Variants in PDE1A observed in about 807,000 individuals in gnomAD.
PDE1A encodes the protein phosphodiesterase 1A.
PDE1A carries 35 observed loss-of-function variants against 61.7 expected under a neutral mutation model. That is an observed-to-expected ratio of 0.57 (90% CI 0.43 to 0.75). The LOEUF (loss-of-function observed/expected upper bound fraction) is 0.75, where lower values mean the gene tolerates loss of function less well. PDE1A is among the 30% of genes least tolerant of loss of function. The probability of loss-of-function intolerance (pLI) is 0.00; values close to 1 mark genes in which losing one functional copy is unlikely to be tolerated. For missense variants in PDE1A, 597 were observed against 630.6 expected (o/e 0.95, Z 0.57); for synonymous variants, 232 against 213.2 (o/e 1.09, Z -0.77).
chr2:182,415,847 C>A (rs1702882704), intron 1 of PDE1A, among the ~76,000 whole-genome samples: 1 of 152,098 alleles, frequency 6.6e-6, no homozygotes, highest in African/African-American at 2.4e-5. Context: ...CTCTAAGTAG[C>A]TAAAAACAAT....
chr2:182,278,841 A>C (rs189872988), intron 1 of PDE1A, among the ~76,000 whole-genome samples: 1 of 152,016 alleles, frequency 6.6e-6, no homozygotes, highest in African/African-American at 2.4e-5. Context: ...GAATATGTGA[A>C]GTTCTTTTTA....
the PDE1A span, among the ~76,000 whole-genome samples, chr2:182,545,800 T>C: frequency 6.6e-6 from 1 of 152,198 alleles, no homozygotes; most frequent in African/African-American, 2.4e-5. Context: ...TATACTTCTG[T>C]TTCTACACCG....
At chr2:182,212,829 G>A (rs1178740473) in intron 7 of PDE1A, among the ~76,000 whole-genome samples, 2 of 152,238 alleles carry the variant, frequency 1.3e-5, no homozygotes, top group African/African-American at 4.8e-5. Context: ...AGGCGGCAGG[G>A]AGGCCAGGGG....
chr2:182,187,737 C>CTTTTTTTTTTTTTTT (rs1038970569), intron 11 of PDE1A, among the ~76,000 whole-genome samples: 8 of 66,382 alleles, frequency 1.2e-4, no homozygotes, highest in African/African-American at 2.6e-4. Context: ...TTTTTTTGTT[C>CTTTTTTTTTTTTTTT]TTTTTTTTTT....
chr2:182,661,912 A>C, the PDE1A span, among the ~76,000 whole-genome samples: 2 of 151,974 alleles, frequency 1.3e-5, no homozygotes, highest in Non-Finnish European at 2.9e-5. Flanking sequence ...AAAGACACAC[A>C]TTCTGCCCAA....
chr2:182,368,335 C>T (rs1234784089), intron 1 of PDE1A, among the ~76,000 whole-genome samples: 5 of 137,234 alleles, frequency 3.6e-5, no homozygotes, highest in African/African-American at 1.5e-4. Context: ...AACACCCCAG[C>T]CCCCCCCACC....
rs534220457 is a variant in PDE1A, at chr2:182,226,494, CT to C, written c.676-2531del. On this transcript the variant is annotated intron_variant, in intron 6 of 13. Transcript: ENST00000351439. Reference sequence around the variant, plus strand: ...CACACTTAATTTAAAAACACATCTACTTTGCATTAGCAAAAGTAGAATTCTG... The same window carrying C: ...CACACTTAATTTAAAAACACATCTACTTGCATTAGCAAAAGTAGAATTCTG... Among the ~76,000 whole-genome samples the C allele has an allele frequency of 6.5e-4, 97 of 149,984 alleles. 1 individual carries two copies. The highest frequency in any genetic ancestry group is 8.5e-4 in the Non-Finnish European group (58 of 67,896).
intron 4 of PDE1A, among the ~76,000 whole-genome samples, chr2:182,233,272 G>C (rs960487624): frequency 1.3e-5 from 2 of 152,122 alleles, no homozygotes; most frequent in Non-Finnish European, 2.9e-5. Context: ...TAGTTGTGTG[G>C]AAGAAAATTT....
intron 2 of PDE1A, among the ~76,000 whole-genome samples, chr2:182,248,155 G>A (rs2125717902): frequency 6.6e-6 from 1 of 151,516 alleles, no homozygotes; most frequent in South Asian, 2.1e-4. Flanking sequence ...TACTGGGGAG[G>A]CTGAGACAGG....
chr2:182,207,854 T>A (rs1687245599), intron 7 of PDE1A, among the ~76,000 whole-genome samples: 1 of 152,208 alleles, frequency 6.6e-6, no homozygotes, highest in Non-Finnish European at 1.5e-5. Context: ...TCCCAGCTGC[T>A]CTAGCTCCAG....
intron 1 of PDE1A, among the ~76,000 whole-genome samples, chr2:182,280,784 A>G (rs1693751008): frequency 6.6e-6 from 1 of 151,906 alleles, no homozygotes; most frequent in African/African-American, 2.4e-5. Context: ...AAAAAAAATC[A>G]ATACATGTGA....
intron 13 of PDE1A, among the ~76,000 whole-genome samples, chr2:182,151,098 A>T (rs1196075): frequency 1.3e-3 from 200 of 152,068 alleles, no homozygotes; most frequent in African/African-American, 4.2e-3. Context: ...TATTATTATT[A>T]TTTTTTGAGA....
chr2:182,569,260 T>TAC, the PDE1A span, among the ~76,000 whole-genome samples: 1 of 147,448 alleles, frequency 6.8e-6, no homozygotes, highest in Non-Finnish European at 1.5e-5. Flanking sequence ...CTCAAATATA[T>TAC]ATATATATAT....
chr2:182,487,997 T>G (rs142876166), intron 2 of PDE1A, among the ~76,000 whole-genome samples: 1 of 152,342 alleles, frequency 6.6e-6, no homozygotes, highest in South Asian at 2.1e-4. Context: ...CCACTGTTTA[T>G]AGTTTTCTTT....
chr2:182,211,039 G>C (rs1170824185), intron 7 of PDE1A, among the ~76,000 whole-genome samples: 1 of 152,158 alleles, frequency 6.6e-6, no homozygotes, highest in Non-Finnish European at 1.5e-5. Context: ...GAGAGTGCAA[G>C]AGAGCAAACC....
chr2:182,195,398 A>G (rs575119268), intron 10 of PDE1A, among the ~76,000 whole-genome samples: 65 of 152,104 alleles, frequency 4.3e-4, no homozygotes, highest in Middle Eastern at 6.8e-3. Flanking sequence ...GAAGGGGAAG[A>G]CTCATGTCTC....
At chr2:182,157,806 G>A (rs755823357) in intron 13 of PDE1A, among the ~76,000 whole-genome samples, 25 of 152,116 alleles carry the variant, frequency 1.6e-4, no homozygotes, top group Non-Finnish European at 1.9e-4. Context: ...AGTTGAATTG[G>A]AGCTACCAAA....
At chr2:182,648,360 A>G in the PDE1A span, among the ~76,000 whole-genome samples, 1 of 151,848 alleles carries the variant, frequency 6.6e-6, no homozygotes, top group Non-Finnish European at 1.5e-5. Flanking sequence ...GTTTGTGGCA[A>G]GAGCTTAAGT....
intron 2 of PDE1A, among the ~76,000 whole-genome samples, chr2:182,503,094 T>A (rs531332523): frequency 6.8e-6 from 1 of 147,162 alleles, no homozygotes; most frequent in African/African-American, 2.6e-5. Context: ...CACAGCATTG[T>A]GCCTCATTCT....
Sources: gnomAD v4.1 joint callset for allele counts (sites outside exome capture counted in the v4.1 genomes callset) on GRCh38, gnomAD v4.1.1 for gene constraint, MANE v1.5 for transcripts, NCBI Gene and HGNC (gene_info 2026-07-23, HGNC 2026-07-21) for gene names.